TMEM98: variants seen among roughly 807,000 people sequenced by gnomAD.
TMEM98 encodes the protein transmembrane protein 98.
A neutral mutation model predicts 25.0 loss-of-function variants in TMEM98; 18 were observed. The ratio of observed to expected loss-of-function variants is 0.72; its 90% CI spans 0.50 to 1.07. The LOEUF (loss-of-function observed/expected upper bound fraction) is 1.07. Among genes scored for constraint, TMEM98 ranks in the 50% least tolerant of loss-of-function variants. TMEM98 has a pLI of 0.00. For synonymous variants in TMEM98, 103 were observed against 112.4 expected (o/e 0.92, Z 0.53); for missense variants, 241 against 289.0 (o/e 0.83, Z 1.20).
rs573414953 is a variant in TMEM98 at position 32,942,266 on chromosome 17, C to T, written c.*1273C>T. The stretch of plus-strand genomic sequence containing the variant: ...ATAATTTGGATACATACCCAAATGG[C>T]ATAATTTCTGTCATAAGCCTGTAGG... On this transcript the variant is annotated 3_prime_UTR_variant, in exon 8 of 8. Coordinates refer to ENST00000579849, the MANE Select transcript of TMEM98 (RefSeq NM_015544.3). 1 of 152,304 alleles carries T rather than the reference C, an allele frequency of 6.6e-6. No homozygotes were observed. Among genetic ancestry groups the T allele is most frequent in the Admixed American group, 6.5e-5 (1 of 15,302 alleles). The allele number at this position is 152,304 out of a possible 1,614,324, so 9.4% of individuals were successfully genotyped here. A position where few individuals can be genotyped will look rare whatever the true frequency, so the allele number is the denominator to read the frequency against.
intron 5 of TMEM98, among the ~76,000 whole-genome samples, chr17:32,935,074 T>G (rs29012): frequency 0.089 from 13,486 of 152,162 alleles, 670 homozygotes; most frequent in Non-Finnish European, 0.094. Flanking sequence ...TAGTAATTAT[T>G]CAAGATTTCA....
At chr17:32,935,301 A>T (rs2091490210) in intron 5 of TMEM98, among the ~76,000 whole-genome samples, 1 of 152,200 alleles carries the variant, frequency 6.6e-6, no homozygotes. Flanking sequence ...TGATAGAGCT[A>T]GGTAGGCATA....
intron 1 of TMEM98, among the ~76,000 whole-genome samples, chr17:32,928,896 T>A (rs2091448551): frequency 9.0e-6 from 1 of 111,002 alleles, no homozygotes; most frequent in African/African-American, 4.0e-5. Context: ...ACACACGCAC[T>A]CAGAGGCACA....
At chr17:32,930,156 T>G (rs2091459581) in intron 1 of TMEM98, among the ~76,000 whole-genome samples, 1 of 151,750 alleles carries the variant, frequency 6.6e-6, no homozygotes, top group East Asian at 2.0e-4. Context: ...GTGGGGAAAT[T>G]AAAGCCCAGA....
chr17:32,933,746 G>GT (rs1475968447), intron 4 of TMEM98, among the ~76,000 whole-genome samples: 1 of 152,228 alleles, frequency 6.6e-6, no homozygotes, highest in Non-Finnish European at 1.5e-5. Context: ...GGGGCATTAT[G>GT]TGGAGGGTAC....
chr17:32,933,063 C>G, intron 3 of TMEM98, 111 bp from the exon 4 acceptor site: 2 of 1,463,090 alleles, frequency 1.4e-6, no homozygotes, highest in Non-Finnish European at 1.8e-6. Flanking sequence ...GGTCTCTGCC[C>G]TAGCTTACTG....
chr17:32,940,840 C>CT lies in TMEM98; in HGVS notation c.529dup (p.Cys177LeufsTer11), dbSNP rs1261865590. On this transcript the variant is annotated frameshift_variant, in exon 8 of 8. Transcript: ENST00000579849. LOFTEE classifies it high-confidence loss of function. Reference sequence around the variant, plus strand: ...ACCTGGTGCTGGTGACAAGGAATGCCTGCCATCTGACGGGAGGCCTGGACT... The same window carrying CT: ...ACCTGGTGCTGGTGACAAGGAATGCCTTGCCATCTGACGGGAGGCCTGGACT... 6.2e-7 allele frequency: 1 copy of CT among 1,614,222 alleles called. No homozygotes were observed. The highest frequency in any genetic ancestry group is 1.1e-5 in the South Asian group (1 of 91,088).
chr17:32,928,966 CAG>C (rs199993669), intron 1 of TMEM98, among the ~76,000 whole-genome samples: 14,542 of 149,758 alleles, frequency 0.097, 1,400 homozygotes, highest in African/African-American at 0.24. Context: ...CACACACACT[CAG>C]AAACACACTC....
chr17:32,930,595 C>A (rs2091462966), intron 1 of TMEM98, among the ~76,000 whole-genome samples: 1 of 152,222 alleles, frequency 6.6e-6, no homozygotes, highest in South Asian at 2.1e-4. Flanking sequence ...AGTCTTCTTT[C>A]TTCCTTAGAA....
chr17:32,939,189 C>T (rs1387412779), intron 6 of TMEM98, among the ~76,000 whole-genome samples: 1 of 152,022 alleles, frequency 6.6e-6, no homozygotes, highest in Admixed American at 6.6e-5. Flanking sequence ...GGTGGATCAC[C>T]TGAGGTCAGG....
intron 4 of TMEM98, among the ~76,000 whole-genome samples, 159 bp from the exon 5 acceptor site, chr17:32,934,132 C>T (rs926595231): frequency 7.9e-5 from 12 of 152,118 alleles, no homozygotes; most frequent in African/African-American, 2.4e-4. Flanking sequence ...CCTCCTTTAA[C>T]TCATGGGCTG....
intron 4 of TMEM98, 136 bp from the exon 5 acceptor site, chr17:32,934,155 A>G: frequency 1.1e-6 from 1 of 908,272 alleles, no homozygotes; most frequent in Admixed American, 1.9e-5. Flanking sequence ...TCATGTTGAC[A>G]CTGAGGCATT....
chr17:32,931,448 T>TCTTTCGTGG, intron 2 of TMEM98, 27 bp from the exon 3 acceptor site: 1 of 1,538,446 alleles, frequency 6.5e-7, no homozygotes, highest in East Asian at 2.4e-5. Flanking sequence ...CTTGACCAGA[T>TCTTTCGTGG]CTGCTCTGAC....
At position 32,935,095 on chromosome 17, in the gene TMEM98, C is replaced by A. The variant is rs182806279; in HGVS notation, c.297+771C>A. Among the ~76,000 whole-genome samples, 54 of 152,002 alleles carry A rather than the reference C, an allele frequency of 3.6e-4. No homozygotes were observed. The East Asian group carries it at 9.1e-3, about 26-fold the overall frequency. ...TTATTCAAGATTTCAAAAGAGACAACTTTGTCTTTTCTTTAGTGTCATTCA... is the reference window on the plus strand; with the variant it reads ...TTATTCAAGATTTCAAAAGAGACAAATTTGTCTTTTCTTTAGTGTCATTCA... On this transcript the variant is annotated intron_variant, in intron 5 of 7. Coordinates refer to ENST00000579849, the MANE Select transcript of TMEM98 (RefSeq NM_015544.3).
rs753929530 is a variant in TMEM98, at chr17:32,931,506, T to A, written c.-23T>A. 2 of 1,602,460 alleles carry A rather than the reference T, an allele frequency of 1.2e-6. No homozygotes were observed. Among genetic ancestry groups the A allele is most frequent in the Admixed American group, 1.7e-5 (1 of 58,914 alleles). ...CCCATGAGGAGGATGTGACCGGGAC[T>A]GAGTCAGGAGCCCTCTGGAAGCATG... On this transcript the variant is annotated 5_prime_UTR_variant, in exon 3 of 8. Transcript: ENST00000579849.
chr17:32,941,280 G>A lies in TMEM98; in HGVS notation c.*287G>A, dbSNP rs2151115632. 1.6e-5 allele frequency: 4 copies of A among 244,408 alleles called. No individual in the cohort carries two copies. The highest frequency in any genetic ancestry group is 1.7e-4 in the East Asian group (2 of 12,094). 15.1% of individuals were successfully genotyped at this position (244,408 alleles called of 1,614,324 possible). On this transcript the variant is annotated 3_prime_UTR_variant, in exon 8 of 8. Coordinates refer to ENST00000579849, the MANE Select transcript of TMEM98 (RefSeq NM_015544.3). ...CTGTCAGCTTTATTTAGCTCACCTA[G>A]TGTTTTCAAGAAAATTGAGCCACCG... is the stretch of plus-strand genomic sequence containing the variant.
chr17:32,932,188 C>T (rs1400301260), intron 3 of TMEM98, among the ~76,000 whole-genome samples: 1 of 151,422 alleles, frequency 6.6e-6, no homozygotes, highest in African/African-American at 2.4e-5. Flanking sequence ...GCAACCTCCG[C>T]CTCCCGGGTT....
chr17:32,935,865 A>G (rs1324090377), intron 5 of TMEM98, among the ~76,000 whole-genome samples: 1 of 152,148 alleles, frequency 6.6e-6, no homozygotes, highest in East Asian at 1.9e-4. Context: ...ATATTACCTG[A>G]GACAATTGTT....
At chr17:32,939,276 G>A (rs1489498378) in intron 6 of TMEM98, among the ~76,000 whole-genome samples, 4 of 151,998 alleles carry the variant, frequency 2.6e-5, no homozygotes, top group South Asian at 2.1e-4. Flanking sequence ...GCATGGTGGC[G>A]CGTGCCTGTA....
Sources: gnomAD v4.1 joint callset for allele counts (sites outside exome capture counted in the v4.1 genomes callset) on GRCh38, gnomAD v4.1.1 for gene constraint, MANE v1.5 for transcripts, NCBI Gene and HGNC (gene_info 2026-07-23, HGNC 2026-07-21) for gene names.